Variants in PAM observed in about 807,000 individuals in gnomAD.
The protein encoded by PAM is peptidylglycine alpha-amidating monooxygenase.
PAM carries 72 observed loss-of-function variants against 122.1 expected under a neutral mutation model. That is an observed-to-expected ratio of 0.59 (90% CI 0.49 to 0.72). The LOEUF (loss-of-function observed/expected upper bound fraction) is 0.72. Ranked by LOEUF, PAM falls within the 30% of genes least tolerant of loss-of-function variation. The pLI, the probability that PAM is intolerant of heterozygous loss-of-function variation, is 0.00. For synonymous variants in PAM, 389 were observed against 404.4 expected (o/e 0.96, Z 0.46); for missense variants, 1,106 against 1,183.7 (o/e 0.93, Z 0.96).
At chr5:102,834,771 TGGAGGGAAG>T (rs1776469228) in intron 1 of PAM, among the ~76,000 whole-genome samples, 3 of 151,702 alleles carry the variant, frequency 2.0e-5, no homozygotes, top group Non-Finnish European at 4.4e-5. Context: ...AAGGGAAGGG[TGGAGGGAAG>T]AGATCCCTGG....
chr5:102,948,488 A>G (rs1339336544), intron 9 of PAM, 43 bp downstream of exon 9: 1 of 888,066 alleles, frequency 1.1e-6, no homozygotes, highest in South Asian at 1.4e-5. Flanking sequence ...CTCATTACCT[A>G]ATCTGTAGAA....
intron 1 of PAM, among the ~76,000 whole-genome samples, chr5:102,770,635 T>C (rs1755488330): frequency 6.6e-6 from 1 of 152,164 alleles, no homozygotes; most frequent in Non-Finnish European, 1.5e-5. Flanking sequence ...ATGGTTTTTG[T>C]CCTTCATTCT....
intron 15 of PAM, among the ~76,000 whole-genome samples, chr5:102,984,753 A>G (rs1195401742): frequency 6.6e-6 from 1 of 152,200 alleles, no homozygotes; most frequent in Non-Finnish European, 1.5e-5. Context: ...TTTACAGAAC[A>G]TTTTATCTAA....
At chr5:102,824,145 G>A (rs1561544620) in intron 1 of PAM, among the ~76,000 whole-genome samples, 3 of 152,174 alleles carry the variant, frequency 2.0e-5, no homozygotes. Context: ...CATACTTAAT[G>A]CTGCATCTGG....
chr5:102,863,769 AT>A (rs552092008), intron 1 of PAM, among the ~76,000 whole-genome samples: 1,867 of 151,310 alleles, frequency 0.012, 26 homozygotes, highest in Middle Eastern at 0.028. Context: ...TATAAAAAAA[AT>A]AAAATAGGTG....
At chr5:103,007,191 A>G (rs575766542) in intron 19 of PAM, among the ~76,000 whole-genome samples, 180 bp downstream of exon 19, 1 of 132,534 alleles carries the variant, frequency 7.5e-6, no homozygotes, top group Non-Finnish European at 1.6e-5. Context: ...ACACATATAC[A>G]TACACACACA....
chr5:103,008,412 CAT>C (rs1779665712), intron 20 of PAM, among the ~76,000 whole-genome samples: 1 of 152,008 alleles, frequency 6.6e-6, no homozygotes, highest in South Asian at 2.1e-4. Flanking sequence ...CATCACCTCA[CAT>C]ACTTATGTTT....
Position 102,983,369 on chromosome 5 carries a change from G to A in PAM, c.1484-6903G>A, listed in dbSNP as rs1770567304. 4.7e-5 allele frequency among the ~76,000 whole-genome samples: 7 copies of A among 148,982 alleles called. No individual in the cohort carries two copies. In the South Asian group the frequency reaches 1.5e-3, roughly 31 times the overall value. ...GGAGGCTGAGGCATAAGAATCACTT[G>A]AACCCAGGAGGTGGAGATTGCAGTG... On this transcript the variant is annotated intron_variant, in intron 15 of 25. Transcript: ENST00000438793.
At chr5:102,964,305 G>A (rs968450430) in intron 14 of PAM, among the ~76,000 whole-genome samples, 3 of 151,868 alleles carry the variant, frequency 2.0e-5, no homozygotes, top group Admixed American at 1.3e-4. Context: ...TAGATGTCTT[G>A]ACATCTAAGT....
intron 1 of PAM, among the ~76,000 whole-genome samples, chr5:102,851,991 C>G (rs1459725034): frequency 6.6e-6 from 1 of 152,054 alleles, no homozygotes; most frequent in African/African-American, 2.4e-5. Flanking sequence ...TTCTACTATG[C>G]CAAAAAAGCA....
intron 15 of PAM, among the ~76,000 whole-genome samples, chr5:102,986,274 GAA>G (rs2150696947): frequency 6.6e-6 from 1 of 152,196 alleles, no homozygotes; most frequent in South Asian, 2.1e-4. Context: ...ACCCAAATCA[GAA>G]AAGAGGAAGT....
chr5:102,794,522 A>G lies in PAM; in HGVS notation c.-374+39174A>G, dbSNP rs542616412. Among the ~76,000 whole-genome samples the G allele has an allele frequency of 3.0e-4, 45 of 151,868 alleles. 1 individual carries two copies. The highest frequency in any genetic ancestry group is 1.1e-3 in the African/African-American group (44 of 41,354). On this transcript the variant is annotated intron_variant, in intron 1 of 25. Coordinates refer to ENST00000438793, the MANE Select transcript of PAM (RefSeq NM_001177306.2). ...GATTCTTCCTATTCTATATTAAGAA[A>G]GATTTAATTTTTGTACCAAGGAAGG...
At chr5:102,974,094 A>T in intron 14 of PAM, 22 bp from the exon 15 acceptor site, 1 of 1,584,440 alleles carries the variant, frequency 6.3e-7, no homozygotes, top group Non-Finnish European at 8.6e-7. Context: ...CCACGCCCTT[A>T]TCTCTTCTCT....
rs116669057 is a variant in PAM, at chr5:102,855,493, C to G, written c.-373-10330C>G. Among the ~76,000 whole-genome samples, 1,017 of 152,216 alleles carry G rather than the reference C, an allele frequency of 6.7e-3. 8 individuals carry two copies. Among genetic ancestry groups the G allele is most frequent in the Non-Finnish European group, 0.013 (850 of 67,998 alleles). ...ACTTCTGTATGGATAGCACCAGAAA[C>G]AGAAGACAAAGGTCACTGTTGTTTT... On this transcript the variant is annotated intron_variant, in intron 1 of 25. Coordinates refer to ENST00000438793, the MANE Select transcript of PAM (RefSeq NM_001177306.2).
chr5:102,963,628 T>C (rs1241915319), intron 14 of PAM, among the ~76,000 whole-genome samples: 1 of 151,890 alleles, frequency 6.6e-6, no homozygotes, highest in Admixed American at 6.6e-5. Flanking sequence ...ACCATCTATG[T>C]TGGTCCTACA....
At chr5:103,010,108 A>G (rs1313302884) in intron 21 of PAM, among the ~76,000 whole-genome samples, 1 of 152,192 alleles carries the variant, frequency 6.6e-6, no homozygotes, top group Non-Finnish European at 1.5e-5. Context: ...GTGCAGTTCT[A>G]AGGTTCTTAG....
intron 16 of PAM, among the ~76,000 whole-genome samples, chr5:102,991,384 T>C (rs1236738897): frequency 6.6e-6 from 1 of 152,204 alleles, no homozygotes; most frequent in Non-Finnish European, 1.5e-5. Flanking sequence ...TTTATTTCAA[T>C]ACAAATTTAC....
intron 1 of PAM, among the ~76,000 whole-genome samples, chr5:102,864,784 T>C (rs1353525664): frequency 6.6e-6 from 1 of 152,232 alleles, no homozygotes; most frequent in East Asian, 1.9e-4. Flanking sequence ...AATAAAACTT[T>C]AATCTCTTTC....
At chr5:102,812,469 G>GA (rs923102935) in intron 1 of PAM, among the ~76,000 whole-genome samples, 1 of 151,566 alleles carries the variant, frequency 6.6e-6, no homozygotes, top group Non-Finnish European at 1.5e-5. Flanking sequence ...GTGGTTCTCT[G>GA]AAAAAAAGGA....
Sources: allele counts gnomAD v4.1 joint callset (sites outside exome capture counted in the v4.1 genomes callset), GRCh38; gene constraint gnomAD v4.1.1; transcripts MANE v1.5; gene names NCBI Gene and HGNC (gene_info 2026-07-23, HGNC 2026-07-21).